Variants in GABRA3 observed in about 807,000 individuals in gnomAD.
GABRA3 encodes gamma-aminobutyric acid receptor subunit alpha-3.
A neutral mutation model predicts 30.1 loss-of-function variants in GABRA3; 10 were observed. That is an observed-to-expected ratio of 0.33 (90% CI 0.20 to 0.56). The LOEUF (loss-of-function observed/expected upper bound fraction) is 0.56, where lower values mean the gene tolerates loss of function less well. GABRA3 is among the 20% of genes least tolerant of loss of function. GABRA3 has a pLI of 0.89. For missense variants in GABRA3, 233 were observed against 392.0 expected, an observed-to-expected ratio of 0.59 and a Z score of 3.42; for synonymous variants, 151 against 146.8, an observed-to-expected ratio of 1.03 and a Z score of -0.21.
chrX:152,227,931 G>A (rs1937996127), intron 5 of GABRA3, among the ~76,000 whole-genome samples: 1 of 111,166 alleles, frequency 9.0e-6, no homozygotes. Context: ...TCATATGAGA[G>A]ATGCTCTAGT....
At chrX:152,335,492 G>C (rs1192960896) in intron 3 of GABRA3, among the ~76,000 whole-genome samples, 2 of 111,952 alleles carry the variant, frequency 1.8e-5, no homozygotes, top group African/African-American at 6.5e-5. Context: ...CCAAACTGCA[G>C]ACCAGCTAGT....
chrX:152,394,267 A>G (rs1051562540), intron 1 of GABRA3: 2 of 276,549 alleles, frequency 7.2e-6, no homozygotes, highest in Non-Finnish European at 1.5e-5. Flanking sequence ...AAATTCAGTC[A>G]TTTTGGCTCC....
rs981454258 is a variant in GABRA3 at position 152,422,813 on chromosome X, T to C, written c.-27+28333A>G. Among the ~76,000 whole-genome samples, 5 of 110,886 alleles carry C rather than the reference T, an allele frequency of 4.5e-5. No homozygotes were observed. In the East Asian group the frequency reaches 1.1e-3, roughly 25 times the overall value. ...GATCTATTATACAACATGGTGACAA[T>C]AGTCCATGACAATCTATTGTATATT... On this transcript the variant is annotated intron_variant, in intron 1 of 9. Transcript: ENST00000370314.
chrX:152,247,163 A>G (rs1411855695), intron 5 of GABRA3, among the ~76,000 whole-genome samples: 2 of 111,956 alleles, frequency 1.8e-5, no homozygotes, highest in Non-Finnish European at 3.8e-5. Flanking sequence ...CATGGTCTCA[A>G]TATGATAGCA....
At chrX:152,256,076 T>G in intron 4 of GABRA3, 78 bp from the exon 5 acceptor site, 2 of 681,542 alleles carry the variant, frequency 2.9e-6, no homozygotes, top group Non-Finnish European at 4.7e-6. Flanking sequence ...AAATATTAAT[T>G]ACCTTGCAGT....
At chrX:152,390,908 C>T (rs1929465677) in intron 1 of GABRA3, among the ~76,000 whole-genome samples, 1 of 111,559 alleles carries the variant, frequency 9.0e-6, no homozygotes, top group African/African-American at 3.3e-5. Context: ...ATGCAGTCTA[C>T]CCTTATTATA....
chrX:152,236,409 G>C (rs1184784591), intron 5 of GABRA3, among the ~76,000 whole-genome samples: 1 of 99,314 alleles, frequency 1.0e-5, no homozygotes, highest in Non-Finnish European at 2.0e-5. Flanking sequence ...GGACGTTTGG[G>C]TTGGTTCCAA....
intron 9 of GABRA3, among the ~76,000 whole-genome samples, chrX:152,175,123 A>G (rs1384214687): frequency 1.8e-5 from 2 of 112,111 alleles, no homozygotes; most frequent in Non-Finnish European, 3.8e-5. Flanking sequence ...GCTAATTTAA[A>G]CTAGATTTTG....
At chrX:152,375,815 C>A (rs1020256901) in intron 1 of GABRA3, among the ~76,000 whole-genome samples, 9 of 112,294 alleles carry the variant, frequency 8.0e-5, no homozygotes, top group African/African-American at 2.9e-4. Flanking sequence ...CTATTTTAAA[C>A]CTTTGTCATT....
At chrX:152,316,294 A>G (rs1939877294) in intron 3 of GABRA3, among the ~76,000 whole-genome samples, 2 of 110,905 alleles carry the variant, frequency 1.8e-5, no homozygotes, top group Admixed American at 1.9e-4. Context: ...AAATAACCCA[A>G]TCCAACAAAC....
chrX:152,224,889 T>A, intron 5 of GABRA3, 44 bp from the exon 6 acceptor site: 1 of 971,781 alleles, frequency 1.0e-6, no homozygotes, highest in Non-Finnish European at 1.5e-6. Context: ...CTAAAATAAA[T>A]GTTATTAAAC....
chrX:152,220,764 G>A (rs146638233), intron 6 of GABRA3, among the ~76,000 whole-genome samples: 180 of 110,702 alleles, frequency 1.6e-3, no homozygotes, highest in African/African-American at 5.4e-3. Context: ...GGTGTGTACT[G>A]GTAGCCTTTG....
Position 152,168,190 on chromosome X carries a change from G to A in GABRA3, c.*38C>T, listed in dbSNP as rs776568783. 4 of 1,115,134 alleles carry A rather than the reference G, an allele frequency of 3.6e-6. No individual in the cohort carries two copies. The highest frequency in any genetic ancestry group is 3.6e-5 in the African/African-American group (2 of 55,296). 91.9% of individuals were successfully genotyped at this position (1,115,134 alleles called of 1,213,427 possible). On this transcript the variant is annotated 3_prime_UTR_variant, in exon 10 of 10. Coordinates refer to ENST00000370314, the MANE Select transcript of GABRA3 (RefSeq NM_000808.4). ...GTTTGGGTGCCTGGATGCTTCACGG[G>A]GTATACAGTGCTCTGGTTGCTGCAC...
intron 2 of GABRA3, among the ~76,000 whole-genome samples, chrX:152,351,818 T>G (rs1940482667): frequency 9.0e-6 from 1 of 111,300 alleles, no homozygotes; most frequent in Admixed American, 9.6e-5. Flanking sequence ...AATTTTTATT[T>G]CACTTAACAC....
chrX:152,321,745 C>T (rs1014699026), intron 3 of GABRA3, among the ~76,000 whole-genome samples: 7 of 111,207 alleles, frequency 6.3e-5, no homozygotes, highest in African/African-American at 2.3e-4. Flanking sequence ...CTCCGTTTTC[C>T]TAGTTAGGTG....
intron 8 of GABRA3, among the ~76,000 whole-genome samples, chrX:152,195,518 T>C (rs1422813601): frequency 8.9e-6 from 1 of 112,305 alleles, no homozygotes; most frequent in Non-Finnish European, 1.9e-5. Flanking sequence ...TGTCAAGGTG[T>C]CAGCAGGGTT....
At chrX:152,242,781 G>A (rs912186924) in intron 5 of GABRA3, among the ~76,000 whole-genome samples, 3 of 111,475 alleles carry the variant, frequency 2.7e-5, no homozygotes, top group African/African-American at 9.8e-5. Flanking sequence ...TCTTTCATAC[G>A]GCCATTATAA....
chrX:152,447,885 CCTGTCTGTGAACTT>C (rs1931126350), intron 1 of GABRA3, among the ~76,000 whole-genome samples: 1 of 111,786 alleles, frequency 8.9e-6, no homozygotes, highest in African/African-American at 3.3e-5. Context: ...CAAATCAGTG[CCTGTCTGTGAACTT>C]TTATTACCAG....
chrX:152,325,715 C>A (rs1940044594), intron 3 of GABRA3, among the ~76,000 whole-genome samples: 1 of 111,631 alleles, frequency 9.0e-6, no homozygotes, highest in African/African-American at 3.3e-5. Context: ...CATCAAAGAC[C>A]AACGGTAGAT....
Sources: gnomAD v4.1 joint callset for allele counts (sites outside exome capture counted in the v4.1 genomes callset) on GRCh38, gnomAD v4.1.1 for gene constraint, MANE v1.5 for transcripts, NCBI Gene and HGNC (gene_info 2026-07-23, HGNC 2026-07-21) for gene names.